The following GON4L variants were observed in gnomAD, a reference collection of about 807,000 sequenced individuals.
The protein encoded by GON4L is gon-4 like, also known as GON-4-like protein.
GON4L carries 87 observed loss-of-function variants against 211.8 expected under a neutral mutation model. The ratio of observed to expected loss-of-function variants is 0.41; its 90% CI spans 0.35 to 0.49. The LOEUF (loss-of-function observed/expected upper bound fraction) is 0.49. GON4L is among the 20% of genes least tolerant of loss of function. The pLI is 0.15. For missense variants in GON4L, 2,155 were observed against 2,659.5 expected (o/e 0.81, Z 4.17); for synonymous variants, 875 against 962.6 (o/e 0.91, Z 1.68).
intron 17 of GON4L, among the ~76,000 whole-genome samples, chr1:155,774,087 G>C (rs780235550): frequency 3.3e-5 from 5 of 152,024 alleles, no homozygotes; most frequent in Non-Finnish European, 7.4e-5. Context: ...GCTAAATCAA[G>C]AAACAAATCA....
chr1:155,815,611 C>T (rs1025800936), intron 8 of GON4L, among the ~76,000 whole-genome samples, 194 bp downstream of exon 8: 2 of 151,934 alleles, frequency 1.3e-5, no homozygotes, highest in African/African-American at 4.8e-5. Flanking sequence ...ATTCTATGCA[C>T]GTTTCTATGC....
chr1:155,765,432 G>A lies in GON4L; in HGVS notation c.4041C>T (p.Asp1347=). Residue 1347 remains aspartate (D), a synonymous_variant, in exon 21 of 32, where the codon GAC becomes GAT. Coordinates refer to ENST00000368331, the MANE Select transcript of GON4L (RefSeq NM_001282860.2). Reference sequence around the variant, plus strand: ...ATTCCACAGCATGTTCCACTTTGATGTCATCACAAATATCACGCTCAGGGG... The same window carrying A: ...ATTCCACAGCATGTTCCACTTTGATATCATCACAAATATCACGCTCAGGGG... ...SGSPERDICD[D]IKVEHAVELD... The A allele has an allele frequency of 6.2e-7, 1 of 1,614,134 alleles. No homozygotes were observed. Among genetic ancestry groups the A allele is most frequent in the Non-Finnish European group, 8.5e-7 (1 of 1,180,016 alleles).
chr1:155,792,522 A>G (rs1409749046), intron 12 of GON4L, among the ~76,000 whole-genome samples: 1 of 152,196 alleles, frequency 6.6e-6, no homozygotes, highest in Non-Finnish European at 1.5e-5. Flanking sequence ...TAAATAAGCA[A>G]TTATGAGGTG....
Position 155,765,189 on chromosome 1 carries a change from T to TC in GON4L, c.4283_4284insG (p.Gly1429ArgfsTer10). On this transcript the variant is annotated frameshift_variant, in exon 21 of 32. Transcript: ENST00000368331. LOFTEE classifies it high-confidence loss of function. Reference sequence around the variant, plus strand: ...CACTGGATGAATCTTCTGGCTTCCCTGGGGGGCTACTAAGCCTCACTTCAG... The same window carrying TC: ...CACTGGATGAATCTTCTGGCTTCCCTCGGGGGGCTACTAAGCCTCACTTCAG... The TC allele has an allele frequency of 1.2e-6, 2 of 1,614,194 alleles. No homozygotes were observed. Among genetic ancestry groups the TC allele is most frequent in the Non-Finnish European group, 1.7e-6 (2 of 1,180,014 alleles).
intron 12 of GON4L, among the ~76,000 whole-genome samples, chr1:155,793,988 T>C (rs1306619622): frequency 6.6e-6 from 1 of 152,164 alleles, no homozygotes; most frequent in Non-Finnish European, 1.5e-5. Context: ...TTGTTCACTT[T>C]ACCTAACAAA....
chr1:155,798,709 C>G (rs1169088517), intron 11 of GON4L, among the ~76,000 whole-genome samples: 1 of 151,094 alleles, frequency 6.6e-6, no homozygotes, highest in Non-Finnish European at 1.5e-5. Context: ...GTGAGAGACA[C>G]TGCGCCTGAT....
At chr1:155,847,037 T>C (rs1258474572) in intron 2 of GON4L, among the ~76,000 whole-genome samples, 1 of 152,130 alleles carries the variant, frequency 6.6e-6, no homozygotes, top group Non-Finnish European at 1.5e-5. Flanking sequence ...GGAGTTGAAT[T>C]TTCCCCATCT....
At chr1:155,768,437 C>G (rs533545682) in intron 19 of GON4L, among the ~76,000 whole-genome samples, 2 of 151,574 alleles carry the variant, frequency 1.3e-5, no homozygotes, top group Non-Finnish European at 2.9e-5. Context: ...GGTGAAACCC[C>G]GTCTCTACTA....
At chr1:155,820,756 G>A (rs1668656766) in intron 5 of GON4L, 100 bp from the exon 6 acceptor site, 8 of 864,940 alleles carry the variant, frequency 9.2e-6, no homozygotes, top group South Asian at 2.7e-5. Flanking sequence ...CAAGGTGGGA[G>A]GATGGCTTGA....
At chr1:155,794,218 C>T (rs866644557) in intron 12 of GON4L, among the ~76,000 whole-genome samples, 1 of 152,062 alleles carries the variant, frequency 6.6e-6, no homozygotes, top group African/African-American at 2.4e-5. Flanking sequence ...ATTACAGGTG[C>T]CTACTACCAC....
At chr1:155,814,558 CAA>C in intron 8 of GON4L, 109 bp from the exon 9 acceptor site, 2 of 1,166,200 alleles carry the variant, frequency 1.7e-6, no homozygotes, top group Non-Finnish European at 2.5e-6. Flanking sequence ...TCAGCCTGGC[CAA>C]CATGGTGAAC....
intron 2 of GON4L, among the ~76,000 whole-genome samples, chr1:155,837,358 G>C (rs773820742): frequency 6.6e-6 from 1 of 152,068 alleles, no homozygotes; most frequent in Admixed American, 6.6e-5. Context: ...CTGTCTCAGG[G>C]ACTCCAAGGA....
At chr1:155,759,843 ATAAAACCACCCCTCT>A (rs1661585294) in intron 24 of GON4L, among the ~76,000 whole-genome samples, 1 of 151,486 alleles carries the variant, frequency 6.6e-6, no homozygotes, top group Non-Finnish European at 1.5e-5. Context: ...ACCGCTGTGT[ATAAAACCACCCCTCT>A]AGTTTCCTTT....
At chr1:155,798,826 G>C (rs779251629) in intron 11 of GON4L, among the ~76,000 whole-genome samples, 7 of 151,982 alleles carry the variant, frequency 4.6e-5, no homozygotes, top group Non-Finnish European at 1.0e-4. Context: ...TGCAAGAACT[G>C]CAATAGATAG....
At chr1:155,800,850 GAAAAAAAAAAAA>G in intron 11 of GON4L, among the ~76,000 whole-genome samples, 1 of 49,038 alleles carries the variant, frequency 2.0e-5, no homozygotes, top group Admixed American at 2.4e-4. Context: ...CTCTGTCTCA[GAAAAAAAAAAAA>G]AAAAAAAAAG....
chr1:155,826,510 G>A (rs1161746156), intron 3 of GON4L, among the ~76,000 whole-genome samples: 2 of 148,910 alleles, frequency 1.3e-5, no homozygotes, highest in African/African-American at 5.0e-5. Flanking sequence ...CGGTTGCCGT[G>A]AGCCGAGATC....
intron 17 of GON4L, among the ~76,000 whole-genome samples, chr1:155,773,956 G>A (rs1269524798): frequency 6.6e-6 from 1 of 152,034 alleles, no homozygotes; most frequent in Non-Finnish European, 1.5e-5. Context: ...AAGCAGTTTG[G>A]GATCCGTGTC....
intron 18 of GON4L, among the ~76,000 whole-genome samples, chr1:155,771,660 T>G (rs1167878280): frequency 6.6e-6 from 1 of 152,126 alleles, no homozygotes; most frequent in Admixed American, 6.6e-5. Flanking sequence ...CCATTATTTG[T>G]AGAGACCAGT....
chr1:155,856,916 G>A (rs1428393252), intron 1 of GON4L, among the ~76,000 whole-genome samples: 2 of 152,074 alleles, frequency 1.3e-5, no homozygotes, highest in African/African-American at 2.4e-5. Flanking sequence ...AGGCAGCCCC[G>A]GCACGGCCCT....
Sources: gnomAD v4.1 joint callset for allele counts (sites outside exome capture counted in the v4.1 genomes callset) on GRCh38, gnomAD v4.1.1 for gene constraint, MANE v1.5 for transcripts, NCBI Gene and HGNC (gene_info 2026-07-23, HGNC 2026-07-21) for gene names.